GPR89A: variants seen among roughly 807,000 people sequenced by gnomAD.
GPR89A encodes golgi pH regulator A.
A neutral mutation model predicts 52.0 loss-of-function variants in GPR89A; 16 were observed. The ratio of observed to expected loss-of-function variants is 0.31; its 90% confidence interval spans 0.21 to 0.47. The LOEUF (loss-of-function observed/expected upper bound fraction) is 0.47, where lower values mean the gene tolerates loss of function less well. GPR89A is among the 20% of genes least tolerant of loss of function. GPR89A has a pLI of 1.00. For missense variants in GPR89A, 135 were observed against 449.4 expected, an observed-to-expected ratio of 0.30 and a Z score of 6.33; for synonymous variants, 55 against 150.9, an observed-to-expected ratio of 0.36 and a Z score of 4.66.
chr1:145,613,989 G>A (rs587677737), intron 1 of GPR89A, among the ~76,000 whole-genome samples: 6 of 152,144 alleles, frequency 3.9e-5, no homozygotes, highest in South Asian at 2.1e-4. Context: ...GTTTCACCAC[G>A]TTGCCCAAGC....
At chr1:145,659,431 C>T (rs1343570926) in intron 10 of GPR89A, among the ~76,000 whole-genome samples, 12 of 151,708 alleles carry the variant, frequency 7.9e-5, no homozygotes, top group Non-Finnish European at 1.6e-4. Flanking sequence ...GTGATCCACC[C>T]GCCTCAGCCT....
intron 10 of GPR89A, among the ~76,000 whole-genome samples, chr1:145,661,881 TTTC>T (rs1484937730): frequency 6.6e-6 from 1 of 151,130 alleles, no homozygotes; most frequent in East Asian, 1.9e-4. Flanking sequence ...TTCCCTTTGA[TTTC>T]TTCTTTGATT....
At chr1:145,648,796 T>TCG (rs1425554797) in intron 10 of GPR89A, among the ~76,000 whole-genome samples, 2 of 7,058 alleles carry the variant, frequency 2.8e-4, no homozygotes, top group Non-Finnish European at 4.4e-4. Context: ...GGGAAGCATG[T>TCG]TCTTTTTTTT....
intron 1 of GPR89A, among the ~76,000 whole-genome samples, chr1:145,615,540 C>T (rs1334216696): frequency 2.7e-5 from 4 of 150,280 alleles, no homozygotes; most frequent in African/African-American, 4.9e-5. Flanking sequence ...TTTGTAGAGA[C>T]GGGTTTTCAC....
chr1:145,649,160 A>G, intron 10 of GPR89A, among the ~76,000 whole-genome samples: 1 of 151,990 alleles, frequency 6.6e-6, no homozygotes, highest in African/African-American at 2.4e-5. Context: ...AACCGAACAT[A>G]TATTTATGTA....
intron 11 of GPR89A, among the ~76,000 whole-genome samples, chr1:145,663,672 T>C (rs1652360778): frequency 6.6e-6 from 1 of 152,230 alleles, no homozygotes; most frequent in African/African-American, 2.4e-5. Flanking sequence ...CTTAATATTG[T>C]CATGGATGCT....
At chr1:145,646,090 A>T in intron 8 of GPR89A, 94 bp from the exon 9 acceptor site, 2 of 1,589,618 alleles carry the variant, frequency 1.3e-6, no homozygotes, top group Non-Finnish European at 1.7e-6. Context: ...CAACTCCGGG[A>T]ATCCACTGTA....
intron 7 of GPR89A, among the ~76,000 whole-genome samples, chr1:145,636,422 G>C (rs1432132983): frequency 2.0e-5 from 3 of 147,640 alleles, no homozygotes; most frequent in Non-Finnish European, 4.5e-5. Context: ...CACCTTAACA[G>C]TAGAGGGCCA....
Position 145,646,087 on chromosome 1 carries a change from G to A in GPR89A, c.728-97G>A, listed in dbSNP as rs761461801. 31 of 1,585,096 alleles carry A rather than the reference G, an allele frequency of 2.0e-5. No individual in the cohort carries two copies. The East Asian group carries it at 4.7e-4, about 24-fold the overall frequency. On this transcript the variant is annotated intron_variant, in intron 8 of 13. Coordinates refer to ENST00000313835, the MANE Select transcript of GPR89A (RefSeq NM_001097612.2). ...GGAAATTGAGAATATAGGCAACTCC[G>A]GGAATCCACTGTAGGAAAAACCAAA...
chr1:145,646,012 G>A (rs587762689), intron 8 of GPR89A, 172 bp from the exon 9 acceptor site: 54 of 823,802 alleles, frequency 6.6e-5, no homozygotes, highest in East Asian at 5.5e-4. Flanking sequence ...ACACACCTGC[G>A]TCAGAGGTTG....
intron 5 of GPR89A, among the ~76,000 whole-genome samples, chr1:145,628,196 C>T (rs1180022468): frequency 6.6e-6 from 1 of 151,430 alleles, no homozygotes; most frequent in Non-Finnish European, 1.5e-5. Flanking sequence ...CAACTAAATG[C>T]CATTAGGTGA....
chr1:145,646,522 A>G, intron 9 of GPR89A: 1 of 473,662 alleles, frequency 2.1e-6, no homozygotes, highest in Non-Finnish European at 3.8e-6. Context: ...TTCAACATTT[A>G]GGAAGGTGGC....
intron 8 of GPR89A, chr1:145,645,113 G>T (rs781899388): frequency 1.1e-3 from 167 of 155,428 alleles, no homozygotes; most frequent in Non-Finnish European, 2.1e-3. Context: ...CATTTATTTC[G>T]TATCTCCTAT....
intron 1 of GPR89A, among the ~76,000 whole-genome samples, chr1:145,610,252 G>T (rs1648159227): frequency 6.6e-6 from 1 of 151,994 alleles, no homozygotes. Flanking sequence ...TAACTGAAAG[G>T]TTTATTTGAA....
At position 145,635,081 on chromosome 1, in the gene GPR89A, C is replaced by G. The variant is rs1236308789; in HGVS notation, c.617+3337C>G. Among the ~76,000 whole-genome samples, 4 of 152,138 alleles carry G rather than the reference C, an allele frequency of 2.6e-5. No homozygotes were observed. In the East Asian group the frequency reaches 7.7e-4, roughly 29 times the overall value. The stretch of plus-strand genomic sequence containing the variant: ...ACTTTTCTGTAGTAAGACCCATAGT[C>G]AAGTTAAAGAAGCCTTAATGTAAGA... On this transcript the variant is annotated intron_variant, in intron 7 of 13. Transcript: ENST00000313835.
At chr1:145,632,111 T>C (rs1271559200) in intron 7 of GPR89A, among the ~76,000 whole-genome samples, 1 of 150,132 alleles carries the variant, frequency 6.7e-6, no homozygotes, top group East Asian at 2.0e-4. Context: ...AGATAAATTA[T>C]TAGAATTTTT....
intron 10 of GPR89A, among the ~76,000 whole-genome samples, chr1:145,662,603 G>A (rs1553695752): frequency 6.6e-6 from 1 of 152,000 alleles, no homozygotes. Context: ...TAGCCCACAG[G>A]CCAAACCTAA....
chr1:145,608,275 C>T, intron 1 of GPR89A, 100 bp downstream of exon 1: 7 of 1,504,020 alleles, frequency 4.7e-6, no homozygotes, highest in Non-Finnish European at 6.5e-6. Context: ...TCTCGCTCCT[C>T]TCTTACGCGT....
intron 5 of GPR89A, among the ~76,000 whole-genome samples, chr1:145,626,788 A>T (rs587719955): frequency 6.6e-6 from 1 of 151,864 alleles, no homozygotes; most frequent in African/African-American, 2.4e-5. Flanking sequence ...CATCTGTACT[A>T]AAAATAGAAA....
Sources: gnomAD v4.1 joint callset for allele counts (sites outside exome capture counted in the v4.1 genomes callset) on GRCh38, gnomAD v4.1.1 for gene constraint, MANE v1.5 for transcripts, NCBI Gene and HGNC (gene_info 2026-07-23, HGNC 2026-07-21) for gene names.